The following CPNE3 variants were observed in gnomAD, a reference collection of about 807,000 sequenced individuals.
CPNE3 encodes copine-3.
CPNE3 carries 68 observed loss-of-function variants against 63.9 expected under a neutral mutation model. That is an observed-to-expected ratio of 1.06 (90% confidence interval 0.87 to 1.30). The LOEUF (loss-of-function observed/expected upper bound fraction) is 1.30. Among genes scored for constraint, CPNE3 ranks in the 50% most tolerant of loss-of-function variants. The pLI, the probability that CPNE3 is intolerant of heterozygous loss-of-function variation, is 0.00. For synonymous variants in CPNE3, 219 were observed against 197.5 expected (o/e 1.11, Z -0.91); for missense variants, 665 against 578.1 (o/e 1.15, Z -1.54).
chr8:86,528,569 G>T lies in CPNE3; in HGVS notation c.24G>T (p.Lys8Asn). The change falls in exon 3 of 17, where the codon AAG (lysine) becomes AAT (asparagine). Residue 8 changes from lysine to asparagine, a missense_variant. Transcript: ENST00000517490. The stretch of plus-strand genomic sequence containing the variant: ...ACATGGCTGCCCAGTGTGTCACAAA[G>T]GTGGCGCTGAATGTTTCCTGTGCCA... MAAQCVT[K>N]VALNVSCANL... 6.2e-7 allele frequency: 1 copy of T among 1,614,046 alleles called. No homozygotes were observed. The highest frequency in any genetic ancestry group is 8.5e-7 in the Non-Finnish European group (1 of 1,179,988).
intron 8 of CPNE3, 37 bp from the exon 9 acceptor site, chr8:86,544,703 A>T: frequency 1.9e-6 from 2 of 1,056,794 alleles, no homozygotes; most frequent in Non-Finnish European, 2.5e-6. Flanking sequence ...ATAAAACTAT[A>T]TTGATTTTTA....
chr8:86,560,564 G>A lies in CPNE3; in HGVS notation c.*2154G>A, dbSNP rs904475324. ...TTTGGTCTTCATTATTTTATATTCT[G>A]ATTTTATCAGAATTATTCTATTTTA... On this transcript the variant is annotated 3_prime_UTR_variant, in exon 17 of 17. Coordinates refer to ENST00000517490, the MANE Select transcript of CPNE3 (RefSeq NM_003909.5). 17 of 148,732 alleles carry A rather than the reference G, an allele frequency of 1.1e-4. No individual in the cohort carries two copies. The South Asian group carries it at 3.7e-3, about 32-fold the overall frequency. The allele number at this position is 148,732 out of a possible 1,614,324, so 9.2% of individuals were successfully genotyped here. A position where few individuals can be genotyped will look rare whatever the true frequency, so the allele number is the denominator to read the frequency against.
intron 8 of CPNE3, among the ~76,000 whole-genome samples, chr8:86,543,777 A>G (rs892815944): frequency 3.9e-5 from 6 of 152,174 alleles, no homozygotes; most frequent in Non-Finnish European, 8.8e-5. Context: ...AGTGTACATA[A>G]TAAATGTTTG....
chr8:86,556,958 A>T (rs1450879804), intron 16 of CPNE3, among the ~76,000 whole-genome samples: 1 of 151,716 alleles, frequency 6.6e-6, no homozygotes, highest in African/African-American at 2.4e-5. Flanking sequence ...ACTCAGCATC[A>T]CTCTCGAGAA....
At chr8:86,520,520 C>CTCCA (rs1472813224) in intron 2 of CPNE3, among the ~76,000 whole-genome samples, 1 of 151,252 alleles carries the variant, frequency 6.6e-6, no homozygotes, top group Non-Finnish European at 1.5e-5. Context: ...CTCCATTGCA[C>CTCCA]TCCAGCATGG....
At chr8:86,551,693 C>T (rs1015715658) in intron 14 of CPNE3, among the ~76,000 whole-genome samples, 6 of 152,176 alleles carry the variant, frequency 3.9e-5, no homozygotes, top group African/African-American at 1.4e-4. Flanking sequence ...GCATCTAATA[C>T]TTGTTGCTCA....
Position 86,527,946 on chromosome 8 carries a change from A to ATTTTTTTTTTTT in CPNE3, c.-10-576_-10-565dup, listed in dbSNP as rs869225401. 3.9e-3 allele frequency among the ~76,000 whole-genome samples: 333 copies of ATTTTTTTTTTTT among 85,960 alleles called. 45 individuals carry two copies. The highest frequency in any genetic ancestry group is 7.2e-3 in the East Asian group (22 of 3,040). The allele number at this position is 85,960 out of a possible 152,430, so 56.4% of individuals were successfully genotyped here. ...AAATTTATAGTTAAGGTAAAAAGAAATTTTTTTTTTTTTTTTTTTTTTTTT... is the reference window on the plus strand; with the variant it reads ...AAATTTATAGTTAAGGTAAAAAGAAATTTTTTTTTTTTTTTTTTTTTTTTTTTTTTTTTTTTT... On this transcript the variant is annotated intron_variant, in intron 2 of 16. Transcript: ENST00000517490.
chr8:86,557,480 A>G (rs1035364692), intron 16 of CPNE3, among the ~76,000 whole-genome samples: 1 of 152,188 alleles, frequency 6.6e-6, no homozygotes, highest in African/African-American at 2.4e-5. Flanking sequence ...TTCCTCTGGG[A>G]TAAATACCTA....
chr8:86,525,223 G>A (rs532687458), intron 2 of CPNE3, among the ~76,000 whole-genome samples: 179 of 152,248 alleles, frequency 1.2e-3, no homozygotes, highest in African/African-American at 4.3e-3. Context: ...CTGGGCTCAA[G>A]CAATCCTACT....
At chr8:86,543,590 G>A (rs950235161) in intron 8 of CPNE3, among the ~76,000 whole-genome samples, 14 of 152,066 alleles carry the variant, frequency 9.2e-5, no homozygotes, top group Non-Finnish European at 1.8e-4. Flanking sequence ...ACAGGCTCTA[G>A]GATTTCAAAG....
intron 2 of CPNE3, among the ~76,000 whole-genome samples, chr8:86,521,166 G>A (rs1010657696): frequency 1.3e-5 from 2 of 152,090 alleles, no homozygotes; most frequent in Admixed American, 6.6e-5. Context: ...GCTCTAAGAC[G>A]ATCTAATGGC....
In CPNE3 at chr8:86,547,769, CTG is replaced by C. The variant is rs780224451; in HGVS notation, c.879+1_879+2del. The C allele has an allele frequency of 7.8e-7, 1 of 1,279,644 alleles. No homozygotes were observed. The highest frequency in any genetic ancestry group is 1.7e-5 in the Admixed American group (1 of 59,014). The allele number at this position is 1,279,644 out of a possible 1,614,324, so 79.3% of individuals were successfully genotyped here. A position where few individuals can be genotyped will look rare whatever the true frequency, so the allele number is the denominator to read the frequency against. On this transcript the variant is annotated splice_donor_variant and coding_sequence_variant, in exon 11 of 17. Transcript: ENST00000517490. LOFTEE classifies it high-confidence loss of function. ...ATGGGAGGATGTCAGCTGAATTTTA[CTG>C]TAAGTAACACACTGAATTTTTCAGC...
At position 86,528,918 on chromosome 8, in the gene CPNE3, CTT is replaced by C. The variant is rs781597696; in HGVS notation, c.133-22_133-21del. 9 of 1,584,894 alleles carry C rather than the reference CTT, an allele frequency of 5.7e-6. No homozygotes were observed. The South Asian group carries it at 9.1e-5, about 16-fold the overall frequency. Reference sequence around the variant, plus strand: ...CAAGTGCACCTTTGATCTGAAGAAACTTTTTTGTTTTTGCGGATGGGTGTAGG... The same window carrying C: ...CAAGTGCACCTTTGATCTGAAGAAACTTTTGTTTTTGCGGATGGGTGTAGG... On this transcript the variant is annotated intron_variant, in intron 3 of 16. Transcript: ENST00000517490.
chr8:86,548,227 T>G, intron 11 of CPNE3, 74 bp from the exon 12 acceptor site: 2 of 1,535,570 alleles, frequency 1.3e-6, no homozygotes, highest in Non-Finnish European at 1.8e-6. Flanking sequence ...TCCCATCTCT[T>G]GAAGTTTTCC....
At chr8:86,520,419 G>T (rs1179697836) in intron 2 of CPNE3, among the ~76,000 whole-genome samples, 2 of 144,294 alleles carry the variant, frequency 1.4e-5, no homozygotes, top group Non-Finnish European at 3.2e-5. Context: ...AGCTGGGCGT[G>T]ATGGCAGCGC....
At chr8:86,531,030 T>A in intron 4 of CPNE3, 125 bp from the exon 5 acceptor site, 1 of 634,412 alleles carries the variant, frequency 1.6e-6, no homozygotes, top group Non-Finnish European at 2.9e-6. Flanking sequence ...AGAAACCAAC[T>A]GAATGTTTCT....
At chr8:86,528,810 T>A in intron 3 of CPNE3, 133 bp downstream of exon 3, 1 of 1,350,940 alleles carries the variant, frequency 7.4e-7, no homozygotes. Context: ...TGTCCTTGAT[T>A]GTAGAATTTT....
At chr8:86,557,173 A>G (rs1333480887) in intron 16 of CPNE3, among the ~76,000 whole-genome samples, 5 of 152,128 alleles carry the variant, frequency 3.3e-5, no homozygotes, top group African/African-American at 1.2e-4. Context: ...GTTTTGAGAC[A>G]GAGTCTTGCT....
At chr8:86,527,946 ATTTTTTTT>A (rs869225401) in intron 2 of CPNE3, among the ~76,000 whole-genome samples, 3 of 85,928 alleles carry the variant, frequency 3.5e-5, no homozygotes, top group African/African-American at 5.7e-5. Context: ...GTAAAAAGAA[ATTTTTTTT>A]TTTTTTTTTT....
Sources: gnomAD v4.1 joint callset for allele counts (sites outside exome capture counted in the v4.1 genomes callset) on GRCh38, gnomAD v4.1.1 for gene constraint, MANE v1.5 for transcripts, NCBI Gene and HGNC (gene_info 2026-07-23, HGNC 2026-07-21) for gene names.